The following PTPRD variants were observed in gnomAD, a reference collection of about 807,000 sequenced individuals.
PTPRD encodes receptor-type tyrosine-protein phosphatase delta.
Under a neutral mutation model 214.5 loss-of-function variants are expected in PTPRD, and 34 were observed. That is an observed-to-expected ratio of 0.16 (90% confidence interval 0.12 to 0.21). The LOEUF (loss-of-function observed/expected upper bound fraction) is 0.21. PTPRD is among the 10% of genes least tolerant of loss of function. The pLI, the probability that PTPRD is intolerant of heterozygous loss-of-function variation, is 1.00. For synonymous variants in PTPRD, 1,128 were observed against 845.7 expected, an observed-to-expected ratio of 1.33 and a Z score of -5.79; for missense variants, 2,545 against 2,398.7, an observed-to-expected ratio of 1.06 and a Z score of -1.27.
chr9:9,742,835 A>G (rs555010288), intron 6 of PTPRD, among the ~76,000 whole-genome samples: 1 of 152,280 alleles, frequency 6.6e-6, no homozygotes, highest in African/African-American at 2.4e-5. Context: ...GTGGGATTAA[A>G]TTCAACTACT....
rs141638837 is a variant in PTPRD, at chr9:10,443,845, T to TCACACA, written c.-599-102834_-599-102829dup. On this transcript the variant is annotated intron_variant, in intron 2 of 45. Transcript: ENST00000381196. ...CTACACAGAGCTATTTACCTCAAAT[T>TCACACA]CACACACACACACACACACAAATGT... Among the ~76,000 whole-genome samples the TCACACA allele has an allele frequency of 1.5e-4, 23 of 148,724 alleles. No individual in the cohort carries two copies. In the South Asian group the frequency reaches 1.7e-3, roughly 11 times the overall value.
intron 14 of PTPRD, among the ~76,000 whole-genome samples, chr9:8,563,279 A>G (rs2154213543): frequency 6.6e-6 from 1 of 152,280 alleles, no homozygotes; most frequent in Non-Finnish European, 1.5e-5. Flanking sequence ...AGTGTGGTGA[A>G]GTTTCGCAGG....
At chr9:9,791,215 C>T (rs2098964988) in intron 5 of PTPRD, among the ~76,000 whole-genome samples, 2 of 151,888 alleles carry the variant, frequency 1.3e-5, no homozygotes, top group African/African-American at 4.8e-5. Context: ...TTAGTTATAT[C>T]CTCAGTTAAT....
chr9:9,859,832 T>C (rs1600033975), intron 5 of PTPRD, among the ~76,000 whole-genome samples: 1 of 152,216 alleles, frequency 6.6e-6, no homozygotes, highest in Non-Finnish European at 1.5e-5. Flanking sequence ...CCTTATAACA[T>C]GGCTCTGTTT....
At chr9:9,769,451 G>A (rs1425931176) in intron 5 of PTPRD, among the ~76,000 whole-genome samples, 2 of 145,100 alleles carry the variant, frequency 1.4e-5, no homozygotes, top group Non-Finnish European at 3.0e-5. Context: ...TCAGCCTCCC[G>A]AGCAGCTGGG....
At chr9:9,440,579 C>CT (rs1355319555) in intron 8 of PTPRD, among the ~76,000 whole-genome samples, 1 of 152,164 alleles carries the variant, frequency 6.6e-6, no homozygotes, top group African/African-American at 2.4e-5. Context: ...CAGATGGAAT[C>CT]TTTAAAAGTC....
At chr9:10,073,133 G>C (rs73392134) in intron 3 of PTPRD, among the ~76,000 whole-genome samples, 3,122 of 152,136 alleles carry the variant, frequency 0.021, 103 homozygotes, top group African/African-American at 0.07. Context: ...TTAGTGGAGA[G>C]GAGAACGTTG....
intron 7 of PTPRD, among the ~76,000 whole-genome samples, chr9:9,590,125 G>A (rs1334705244): frequency 3.9e-5 from 6 of 151,942 alleles, no homozygotes; most frequent in Admixed American, 2.6e-4. Context: ...AACACATTAT[G>A]CCCATCACTT....
At chr9:10,342,808 G>T (rs1392840097) in intron 2 of PTPRD, among the ~76,000 whole-genome samples, 1 of 152,064 alleles carries the variant, frequency 6.6e-6, no homozygotes, top group Non-Finnish European at 1.5e-5. Flanking sequence ...TAATGTGCTT[G>T]TGTGTTTTCT....
chr9:9,632,194 A>G (rs190675548), intron 7 of PTPRD, among the ~76,000 whole-genome samples: 24 of 152,356 alleles, frequency 1.6e-4, no homozygotes, highest in Non-Finnish European at 2.9e-4. Flanking sequence ...GACTATCTGT[A>G]TGATGGACTA....
chr9:9,497,266 T>C (rs1331594124), intron 8 of PTPRD, among the ~76,000 whole-genome samples: 4 of 152,168 alleles, frequency 2.6e-5, no homozygotes, highest in African/African-American at 9.7e-5. Context: ...ACGTGTATTT[T>C]ACCTCAATTT....
intron 12 of PTPRD, among the ~76,000 whole-genome samples, chr9:8,656,666 G>A (rs781328775): frequency 1.2e-4 from 18 of 152,164 alleles, no homozygotes; most frequent in Non-Finnish European, 2.4e-4. Flanking sequence ...ATTTTGCAGG[G>A]TCCAGCTAGG....
At chr9:9,737,171 C>T (rs1339639341) in intron 6 of PTPRD, among the ~76,000 whole-genome samples, 1 of 152,022 alleles carries the variant, frequency 6.6e-6, no homozygotes, top group Non-Finnish European at 1.5e-5. Context: ...AACTGCTCTA[C>T]AATATTAGTC....
chr9:8,493,860 T>C (rs1362027425), intron 26 of PTPRD, among the ~76,000 whole-genome samples: 1 of 152,196 alleles, frequency 6.6e-6, no homozygotes, highest in Non-Finnish European at 1.5e-5. Context: ...CTTTGATATA[T>C]TCCTTTAAAC....
intron 2 of PTPRD, among the ~76,000 whole-genome samples, chr9:10,607,223 A>T (rs144360587): frequency 0.01 from 1,549 of 151,992 alleles, 32 homozygotes; most frequent in African/African-American, 0.034. Flanking sequence ...ATATTTACTT[A>T]TTATAATATA....
At chr9:9,919,918 T>C (rs1391412895) in intron 5 of PTPRD, among the ~76,000 whole-genome samples, 2 of 152,184 alleles carry the variant, frequency 1.3e-5, no homozygotes, top group African/African-American at 4.8e-5. Context: ...ATTTCATAAA[T>C]GCAGTAATAA....
chr9:9,184,461 A>C (rs373169574), intron 9 of PTPRD, among the ~76,000 whole-genome samples: 1 of 152,022 alleles, frequency 6.6e-6, no homozygotes, highest in Non-Finnish European at 1.5e-5. Flanking sequence ...AAAGAACATG[A>C]TTCTCCAGCC....
rs143845140 is a variant in PTPRD at position 9,913,582 on chromosome 9, G to C, written c.-368+24925C>G. Among the ~76,000 whole-genome samples, 697 of 152,210 alleles carry C rather than the reference G, an allele frequency of 4.6e-3. 4 individuals are homozygous for C. Among genetic ancestry groups the C allele is most frequent in the Middle Eastern group, 0.017 (5 of 294 alleles). ...TGGAAATTCAGGAGGGCAGCACAGA[G>C]GCACCCAGAATCTGCAGACCCATCT... On this transcript the variant is annotated intron_variant, in intron 5 of 45. Coordinates refer to ENST00000381196, the MANE Select transcript of PTPRD (RefSeq NM_002839.4).
intron 34 of PTPRD, among the ~76,000 whole-genome samples, chr9:8,444,758 A>G (rs929897529): frequency 6.6e-6 from 1 of 152,184 alleles, no homozygotes; most frequent in African/African-American, 2.4e-5. Flanking sequence ...GTTGCTTTTG[A>G]AATTAAAAAG....
Sources: gnomAD v4.1 joint callset for allele counts (sites outside exome capture counted in the v4.1 genomes callset) on GRCh38, gnomAD v4.1.1 for gene constraint, MANE v1.5 for transcripts, NCBI Gene and HGNC (gene_info 2026-07-23, HGNC 2026-07-21) for gene names.